KCNMB2: variants seen among roughly 807,000 people sequenced by gnomAD.
KCNMB2 encodes potassium calcium-activated channel subfamily M regulatory beta subunit 2, also known as calcium-activated potassium channel subunit beta-2.
KCNMB2 carries 9 observed loss-of-function variants against 24.5 expected under a neutral mutation model. The ratio of observed to expected loss-of-function variants is 0.37; its 90% CI spans 0.22 to 0.64. The LOEUF (loss-of-function observed/expected upper bound fraction) is 0.64, where lower values mean the gene tolerates loss of function less well. Among genes scored for constraint, KCNMB2 ranks in the 30% least tolerant of loss-of-function variants. The pLI, the probability that KCNMB2 is intolerant of heterozygous loss-of-function variation, is 0.63. For synonymous variants in KCNMB2, 109 were observed against 104.4 expected (o/e 1.04, Z -0.27); for missense variants, 226 against 284.3 (o/e 0.79, Z 1.47).
intron 1 of KCNMB2, among the ~76,000 whole-genome samples, chr3:178,550,107 C>T (rs1173182982): frequency 6.6e-6 from 1 of 152,068 alleles, no homozygotes; most frequent in Non-Finnish European, 1.5e-5. Context: ...AATCTTCAGA[C>T]TTTGCAACCC....
At chr3:178,820,870 T>C (rs1299558502) in intron 2 of KCNMB2, among the ~76,000 whole-genome samples, 1 of 152,264 alleles carries the variant, frequency 6.6e-6, no homozygotes, top group Non-Finnish European at 1.5e-5. Flanking sequence ...ATGTTCCCTA[T>C]ATATAGTAAA....
At chr3:178,754,664 AG>A (rs1723966338) in intron 1 of KCNMB2, among the ~76,000 whole-genome samples, 1 of 152,172 alleles carries the variant, frequency 6.6e-6, no homozygotes, top group Non-Finnish European at 1.5e-5. Flanking sequence ...CAGGGGAGGT[AG>A]GTAGATCACA....
intron 1 of KCNMB2, among the ~76,000 whole-genome samples, chr3:178,615,632 G>A (rs996439527): frequency 1.4e-4 from 22 of 152,300 alleles, no homozygotes; most frequent in Middle Eastern, 3.4e-3. Flanking sequence ...GTCAGCTTGC[G>A]ATGAGTGCTG....
intron 1 of KCNMB2, among the ~76,000 whole-genome samples, chr3:178,550,743 T>C (rs976099908): frequency 2.6e-5 from 4 of 152,186 alleles, no homozygotes; most frequent in Non-Finnish European, 4.4e-5. Flanking sequence ...TTATGTGATA[T>C]TGAGAAGTTA....
chr3:178,618,277 A>T (rs1046470189), intron 1 of KCNMB2, among the ~76,000 whole-genome samples: 7 of 152,092 alleles, frequency 4.6e-5, no homozygotes, highest in Admixed American at 6.5e-5. Context: ...CATTATCATC[A>T]TCATCTATTA....
intron 1 of KCNMB2, among the ~76,000 whole-genome samples, chr3:178,634,397 G>A (rs1294877959): frequency 1.3e-5 from 2 of 152,140 alleles, no homozygotes. Flanking sequence ...GGAGGCCTCA[G>A]GAAACTTAAA....
Position 178,804,332 on chromosome 3 carries a change from T to C in KCNMB2, c.-67-3011T>C, listed in dbSNP as rs147174221. ...CATATTTGGAATTCTAGGTGTTTCT[T>C]TGAAGCCTGGAAATTTTTTTAACCT... On this transcript the variant is annotated intron_variant, in intron 1 of 4. Transcript: ENST00000452583. Among the ~76,000 whole-genome samples, 255 of 152,332 alleles carry C rather than the reference T, an allele frequency of 1.7e-3. 2 individuals are homozygous for C. The highest frequency in any genetic ancestry group is 5.8e-3 in the African/African-American group (242 of 41,570).
intron 1 of KCNMB2, among the ~76,000 whole-genome samples, chr3:178,765,717 T>G (rs1208347074): frequency 6.6e-6 from 1 of 150,922 alleles, no homozygotes; most frequent in Non-Finnish European, 1.5e-5. Flanking sequence ...ACCCTGTACT[T>G]TCTGGTTTTG....
intron 1 of KCNMB2, among the ~76,000 whole-genome samples, chr3:178,718,524 A>G (rs1722693233): frequency 6.6e-6 from 1 of 152,244 alleles, no homozygotes; most frequent in African/African-American, 2.4e-5. Context: ...GATCTGAGTT[A>G]AAGCCAGTAT....
chr3:178,689,288 G>A (rs1227317424), intron 1 of KCNMB2, among the ~76,000 whole-genome samples: 10 of 152,176 alleles, frequency 6.6e-5, no homozygotes, highest in Non-Finnish European at 1.3e-4. Context: ...GGAACTTTGT[G>A]TACTGTTAAA....
chr3:178,764,878 G>A (rs1273182623), intron 1 of KCNMB2, among the ~76,000 whole-genome samples: 4 of 151,860 alleles, frequency 2.6e-5, no homozygotes. Context: ...AAAATGGAAG[G>A]GTATTTAAAT....
At chr3:178,560,732 G>A (rs1339623694) in intron 1 of KCNMB2, among the ~76,000 whole-genome samples, 1 of 152,218 alleles carries the variant, frequency 6.6e-6, no homozygotes, top group African/African-American at 2.4e-5. Context: ...ACTACGTGTT[G>A]GGGATGTGCC....
rs372374761 is a variant in KCNMB2 at position 178,590,887 on chromosome 3, C to T, written c.-68+54176C>T. 2.0e-5 allele frequency among the ~76,000 whole-genome samples: 3 copies of T among 152,200 alleles called. No homozygotes were observed. The East Asian group carries it at 5.8e-4, about 29-fold the overall frequency. The stretch of plus-strand genomic sequence containing the variant: ...CTGCAATTACGATTTTGGTGCAGGA[C>T]TGGTAAATTCTTTTTCCCCCAAACA... On this transcript the variant is annotated intron_variant, in intron 1 of 4. Coordinates refer to ENST00000452583, the MANE Select transcript of KCNMB2 (RefSeq NM_181361.3).
intron 1 of KCNMB2, among the ~76,000 whole-genome samples, chr3:178,782,389 T>C (rs1430765827): frequency 6.6e-6 from 1 of 151,598 alleles, no homozygotes; most frequent in African/African-American, 2.4e-5. Context: ...ATGGTTGAAC[T>C]AGTGTACAGT....
chr3:178,675,063 T>A (rs181346110), intron 1 of KCNMB2, among the ~76,000 whole-genome samples: 1 of 152,218 alleles, frequency 6.6e-6, no homozygotes, highest in East Asian at 1.9e-4. Flanking sequence ...AATAGTCTTA[T>A]TGCTTTTAAT....
intron 1 of KCNMB2, among the ~76,000 whole-genome samples, chr3:178,587,388 C>G (rs1717481724): frequency 6.6e-6 from 1 of 152,014 alleles, no homozygotes; most frequent in Non-Finnish European, 1.5e-5. Context: ...CCTTTGTCCC[C>G]CAATAAACAG....
intron 1 of KCNMB2, among the ~76,000 whole-genome samples, chr3:178,606,842 A>G (rs1718291490): frequency 6.6e-6 from 1 of 152,154 alleles, no homozygotes; most frequent in South Asian, 2.1e-4. Context: ...TGAGCTATAG[A>G]GAAAGCTTCA....
intron 4 of KCNMB2, among the ~76,000 whole-genome samples, chr3:178,834,716 T>A (rs973995497): frequency 6.6e-6 from 1 of 152,098 alleles, no homozygotes; most frequent in Admixed American, 6.6e-5. Context: ...ATAATTAGCA[T>A]CTTAAATTTG....
chr3:178,689,849 C>T (rs1721605621), intron 1 of KCNMB2, among the ~76,000 whole-genome samples: 1 of 152,104 alleles, frequency 6.6e-6, no homozygotes, highest in Admixed American at 6.5e-5. Flanking sequence ...TGCAATATCT[C>T]CACTGAAACA....
Sources: allele counts gnomAD v4.1 joint callset (sites outside exome capture counted in the v4.1 genomes callset), GRCh38; gene constraint gnomAD v4.1.1; transcripts MANE v1.5; gene names NCBI Gene and HGNC (gene_info 2026-07-23, HGNC 2026-07-21).